The following LTF variants were observed in gnomAD, a reference collection of about 807,000 sequenced individuals.
LTF encodes the protein lactotransferrin.
LTF carries 91 observed loss-of-function variants against 87.2 expected under a neutral mutation model. The ratio of observed to expected loss-of-function variants is 1.04; its 90% CI spans 0.88 to 1.24. The LOEUF is 1.24. LTF is among the 50% of genes most tolerant of loss of function. LTF has a pLI of 0.00. For synonymous variants in LTF, 378 were observed against 356.1 expected, an observed-to-expected ratio of 1.06 and a Z score of -0.69; for missense variants, 901 against 904.3, an observed-to-expected ratio of 1.00 and a Z score of 0.05.
chr3:46,453,003 G>T (rs1702840076), intron 6 of LTF, among the ~76,000 whole-genome samples: 1 of 152,188 alleles, frequency 6.6e-6, no homozygotes. Flanking sequence ...CAATATCAAG[G>T]ATTTTTGATC....
At position 46,447,533 on chromosome 3, in the gene LTF, G is replaced by A. The variant is rs979346085; in HGVS notation, c.1213-135C>T. 13 of 683,190 alleles carry A rather than the reference G, an allele frequency of 1.9e-5. No homozygotes were observed. In the East Asian group the frequency reaches 2.8e-4, roughly 15 times the overall value. 42.3% of individuals were successfully genotyped at this position (683,190 alleles called of 1,614,324 possible). On this transcript the variant is annotated intron_variant, in intron 9 of 16. Coordinates refer to ENST00000231751, the MANE Select transcript of LTF (RefSeq NM_002343.6). The stretch of plus-strand genomic sequence containing the variant: ...CAGAAAGAGATGGACTATTCAAACT[G>A]AGCAGCCAGAGGAAACACCGTGTGC...
chr3:46,437,047 T>G (rs1300003872), intron 16 of LTF, among the ~76,000 whole-genome samples: 1 of 152,216 alleles, frequency 6.6e-6, no homozygotes, highest in African/African-American at 2.4e-5. Context: ...GCCCCCATCC[T>G]TGGACCAACA....
At chr3:46,445,079 G>A (rs1020760914) in intron 12 of LTF, among the ~76,000 whole-genome samples, 3 of 152,186 alleles carry the variant, frequency 2.0e-5, no homozygotes, top group African/African-American at 7.2e-5. Flanking sequence ...GGTGAATGGG[G>A]CATGGGAAGT....
Position 46,445,275 on chromosome 3 carries a change from C to T in LTF, c.1513+6G>A, listed in dbSNP as rs779415062. On this transcript the variant is annotated splice_donor_region_variant and intron_variant, in intron 12 of 16. Coordinates refer to ENST00000231751, the MANE Select transcript of LTF (RefSeq NM_002343.6). ...GCCCACCCACCGCACCTTTGGAACT[C>T]CTTACCAAATTTGCAGGAGCCCGTC... 1 of 1,606,070 alleles carries T rather than the reference C, an allele frequency of 6.2e-7. No individual in the cohort carries two copies. The highest frequency in any genetic ancestry group is 1.7e-5 in the Admixed American group (1 of 59,028).
rs199781497 is a variant in LTF, at chr3:46,472,525, T to A, written c.-319-2059A>T. On this transcript the variant is annotated intron_variant, in intron 1 of 19. Transcript: ENST00000443496. ...GTGTGTGTGTGTGTGTGTGTGTGTGTGTGAGAGAGAGAGAGAGAGAGAGAG... is the reference window on the plus strand; with the variant it reads ...GTGTGTGTGTGTGTGTGTGTGTGTGAGTGAGAGAGAGAGAGAGAGAGAGAG... Among the ~76,000 whole-genome samples, 1,302 of 141,226 alleles carry A rather than the reference T, an allele frequency of 9.2e-3. 18 individuals are homozygous for A. Among genetic ancestry groups the A allele is most frequent in the African/African-American group, 0.031 (1,148 of 36,692 alleles). 92.6% of individuals were successfully genotyped at this position (141,226 alleles called of 152,430 possible). A position where few individuals can be genotyped will look rare whatever the true frequency, so the allele number is the denominator to read the frequency against.
intron 16 of LTF, among the ~76,000 whole-genome samples, chr3:46,437,203 A>G (rs1702404698): frequency 6.6e-6 from 1 of 152,212 alleles, no homozygotes; most frequent in South Asian, 2.1e-4. Flanking sequence ...AATATTTTTA[A>G]GGGATTAAAT....
chr3:46,450,387 T>C lies in LTF; in HGVS notation c.882+108A>G. ...AGCCCAATGCATTAGTGTGCTATCCTGCAGCAAAGCTACAGGACTTCTGGA... is the reference window on the plus strand; with the variant it reads ...AGCCCAATGCATTAGTGTGCTATCCCGCAGCAAAGCTACAGGACTTCTGGA... On this transcript the variant is annotated intron_variant, in intron 7 of 16. Transcript: ENST00000231751. 5.8e-6 allele frequency: 7 copies of C among 1,214,758 alleles called. 1 individual carries two copies. The South Asian group carries it at 9.2e-5, about 16-fold the overall frequency. 75.2% of individuals were successfully genotyped at this position (1,214,758 alleles called of 1,614,324 possible).
upstream of LTF, chr3:46,469,731 C>G (rs1306314661): frequency 6.6e-6 from 1 of 152,258 alleles, no homozygotes; most frequent in Non-Finnish European, 1.5e-5. Flanking sequence ...ACATTTGGCC[C>G]CACATTGGCC....
intron 1 of LTF, among the ~76,000 whole-genome samples, chr3:46,482,658 A>AGG (rs1475302451): frequency 1.4e-3 from 134 of 93,278 alleles, no homozygotes; most frequent in Non-Finnish European, 1.6e-3. Context: ...GAAAGAAAGA[A>AGG]AGAAGGAAGG....
At chr3:46,451,232 G>A (rs937555606) in intron 6 of LTF, among the ~76,000 whole-genome samples, 5 of 152,162 alleles carry the variant, frequency 3.3e-5, no homozygotes, top group South Asian at 2.1e-4. Flanking sequence ...AATCTTGCCC[G>A]AGTCATTTTA....
intron 14 of LTF, among the ~76,000 whole-genome samples, chr3:46,441,063 C>A (rs1206441590): frequency 6.6e-6 from 1 of 152,126 alleles, no homozygotes. Flanking sequence ...CCACAGTTTC[C>A]AATAGGCATG....
In LTF at chr3:46,455,315, G is replaced by A. The variant is rs145010128; in HGVS notation, c.627C>T (p.Phe209=). ...KCAFSSQEPY[F]SYSGAFKCLR... ...CTCACTTGAAGGCACCAGAGTAGCTGAAGTACGGTTCCTGGGAGGAGAAGG... is the reference window on the plus strand; with the variant it reads ...CTCACTTGAAGGCACCAGAGTAGCTAAAGTACGGTTCCTGGGAGGAGAAGG... Residue 209 remains phenylalanine, a synonymous_variant, in exon 5 of 17, where the codon TTC becomes TTT. Transcript: ENST00000231751. 82 of 1,614,118 alleles carry A rather than the reference G, an allele frequency of 5.1e-5. No individual in the cohort carries two copies. Among genetic ancestry groups the A allele is most frequent in the Non-Finnish European group, 6.4e-5 (76 of 1,180,054 alleles).
chr3:46,458,005 T>C (rs1702982130), intron 2 of LTF, among the ~76,000 whole-genome samples: 1 of 151,908 alleles, frequency 6.6e-6, no homozygotes, highest in Admixed American at 6.6e-5. Context: ...AGGATGGTCT[T>C]GATCTCCTGA....
At chr3:46,455,239 C>T (rs568372934) in intron 5 of LTF, 56 bp downstream of exon 5, 85 of 1,608,130 alleles carry the variant, frequency 5.3e-5, no homozygotes, top group South Asian at 4.2e-4. Context: ...AAAGGCCTCC[C>T]GGCCTGAGGC....
At chr3:46,455,752 G>A (rs1431365843) in intron 4 of LTF, 44 bp downstream of exon 4, 1 of 1,523,520 alleles carries the variant, frequency 6.6e-7, no homozygotes, top group Non-Finnish European at 8.8e-7. Context: ...AACTGGAATA[G>A]AGCCCCCTGC....
In LTF at chr3:46,459,733, T is replaced by C; in HGVS notation, c.130A>G (p.Asn44Asp). Residue 44 changes from asparagine to aspartate, a missense_variant, in exon 2 of 17, where the codon AAT (asparagine) becomes GAT (aspartate). Physicochemically the swap from Asn to Asp is conservative, Grantham distance 23 (BLOSUM62 1). Coordinates refer to ENST00000231751, the MANE Select transcript of LTF (RefSeq NM_002343.6). ...EATKCFQWQRNMRKVRGPPVS... is the reference protein window; with the variant it reads ...EATKCFQWQRDMRKVRGPPVS... ...GGAGGGCCACGCACTTTTCTCATAT[T>C]CCTTTGCCATTGGAAGCATTTTGTG... The C allele has an allele frequency of 2.5e-6, 4 of 1,583,536 alleles. No individual in the cohort carries two copies. The highest frequency in any genetic ancestry group is 3.4e-6 in the Non-Finnish European group (4 of 1,168,044).
At chr3:46,447,459 A>G (rs183050757) in intron 9 of LTF, 61 bp from the exon 10 acceptor site, 93 of 1,144,188 alleles carry the variant, frequency 8.1e-5, no homozygotes, top group Non-Finnish European at 1.1e-4. Context: ...CTGCCTGTCT[A>G]TATAGCTCTC....
intron 1 of LTF, among the ~76,000 whole-genome samples, chr3:46,472,128 C>G (rs1703298108): frequency 6.6e-6 from 1 of 152,140 alleles, no homozygotes; most frequent in Non-Finnish European, 1.5e-5. Context: ...TCTACCCTCC[C>G]CATTTCTTCC....
intron 16 of LTF, 77 bp from the exon 17 acceptor site, chr3:46,436,306 A>G: frequency 7.5e-7 from 1 of 1,334,812 alleles, no homozygotes; most frequent in East Asian, 2.3e-5. Flanking sequence ...AATAAATCAA[A>G]GAGAATACTA....
Sources: gnomAD v4.1 joint callset for allele counts (sites outside exome capture counted in the v4.1 genomes callset) on GRCh38, gnomAD v4.1.1 for gene constraint, MANE v1.5 for transcripts, NCBI Gene and HGNC (gene_info 2026-07-23, HGNC 2026-07-21) for gene names.